The following BAHD1 variants were observed in gnomAD, a reference collection of about 807,000 sequenced individuals.
BAHD1 encodes bromo adjacent homology domain-containing 1 protein.
In BAHD1, 20 loss-of-function variants were observed where a neutral mutation model predicts 63.1. The ratio of observed to expected loss-of-function variants is 0.32; its 90% CI spans 0.22 to 0.46. The LOEUF (loss-of-function observed/expected upper bound fraction) is 0.46, where lower values mean the gene tolerates loss of function less well. BAHD1 is among the 20% of genes least tolerant of loss of function. BAHD1 has a pLI of 1.00. For synonymous variants in BAHD1, 408 were observed against 426.8 expected (o/e 0.96, Z 0.54); for missense variants, 939 against 1,071.8 (o/e 0.88, Z 1.73).
upstream of BAHD1, chr15:40,440,042 G>C (rs1462117897): frequency 6.6e-6 from 1 of 152,334 alleles, no homozygotes; most frequent in South Asian, 2.1e-4. Flanking sequence ...CAGGCTGCCC[G>C]CCCCTTTCTC....
chr15:40,446,617 A>G (rs1566958916), intron 1 of BAHD1, among the ~76,000 whole-genome samples: 1 of 152,226 alleles, frequency 6.6e-6, no homozygotes, highest in South Asian at 2.1e-4. Context: ...GCTGATTTGA[A>G]TTGGGAACTT....
chr15:40,446,652 A>G (rs1893548272), intron 1 of BAHD1, among the ~76,000 whole-genome samples: 1 of 152,222 alleles, frequency 6.6e-6, no homozygotes, highest in South Asian at 2.1e-4. Flanking sequence ...TGACCAAGTT[A>G]GCTGAATGAA....
At chr15:40,463,072 C>CTA (rs1245065559) in intron 3 of BAHD1, among the ~76,000 whole-genome samples, 1 of 152,128 alleles carries the variant, frequency 6.6e-6, no homozygotes, top group Non-Finnish European at 1.5e-5. Context: ...GAGGCTGATG[C>CTA]TAGAGGATTG....
chr15:40,465,768 T>TTTGCC (rs1894181677), intron 6 of BAHD1, among the ~76,000 whole-genome samples, 173 bp from the exon 7 acceptor site: 1 of 152,150 alleles, frequency 6.6e-6, no homozygotes, highest in Admixed American at 6.5e-5. Flanking sequence ...ACAGAGAAGA[T>TTTGCC]AGCCTGGTGG....
At chr15:40,460,083 C>T (rs1200283608) in intron 2 of BAHD1, among the ~76,000 whole-genome samples, 187 bp downstream of exon 2, 1 of 152,162 alleles carries the variant, frequency 6.6e-6, no homozygotes, top group African/African-American at 2.4e-5. Context: ...AAGAACAGGG[C>T]CCGTATAGCT....
upstream of BAHD1, among the ~76,000 whole-genome samples, chr15:40,438,307 G>A (rs543940692): frequency 6.6e-6 from 1 of 152,342 alleles, no homozygotes; most frequent in African/African-American, 2.4e-5. Context: ...GGGTGAAGGA[G>A]GCTAGGAGAG....
At chr15:40,463,782 A>G in intron 3 of BAHD1, 79 bp from the exon 4 acceptor site, 1 of 1,503,330 alleles carries the variant, frequency 6.7e-7, no homozygotes, top group East Asian at 2.3e-5. Context: ...AAATCGTGGA[A>G]AGGATGTCAT....
chr15:40,438,251 T>C (rs1297666563), upstream of BAHD1, among the ~76,000 whole-genome samples: 2 of 152,160 alleles, frequency 1.3e-5, no homozygotes, highest in Non-Finnish European at 2.9e-5. Flanking sequence ...GGAAGGGCTT[T>C]GGACTGGGAA....
intron 4 of BAHD1, 48 bp downstream of exon 4, chr15:40,464,068 G>A: frequency 6.3e-7 from 1 of 1,598,160 alleles, no homozygotes; most frequent in East Asian, 2.2e-5. Context: ...GCCTTCAGCA[G>A]AACTGTAGTC....
chr15:40,459,483 A>C lies in BAHD1; in HGVS notation c.1019A>C (p.Gln340Pro), dbSNP rs1374280022. 6.2e-7 allele frequency: 1 copy of C among 1,613,722 alleles called. No individual in the cohort carries two copies. Among genetic ancestry groups the C allele is most frequent in the Non-Finnish European group, 8.5e-7 (1 of 1,179,996 alleles). Residue 340 changes from glutamine (Q) to proline (P), a missense_variant, in exon 2 of 7, where the codon CAG becomes CCG. Physicochemically the swap from Gln to Pro is moderately conservative, Grantham distance 76. This residue lies in a region of BAHD1 where 797 missense variants were observed against 813.3 expected (regional missense o/e 0.98). Coordinates refer to ENST00000416165, the MANE Select transcript of BAHD1 (RefSeq NM_014952.5). ...RPGEESPAPK[Q>P]ELHQPSFPTP... Reference sequence around the variant, plus strand: ...GGCGAGGAGTCACCTGCCCCTAAGCAGGAACTGCATCAGCCCTCTTTCCCC... The same window carrying C: ...GGCGAGGAGTCACCTGCCCCTAAGCCGGAACTGCATCAGCCCTCTTTCCCC...
At position 40,458,769 on chromosome 15, in the gene BAHD1, C is replaced by T. The variant is rs561606387; in HGVS notation, c.305C>T (p.Pro102Leu). Residue 102 changes from proline to leucine, a missense_variant, in exon 2 of 7, where the codon CCG (proline) becomes CTG (leucine). Around this residue, in one of 5 missense-constraint regions of BAHD1, gnomAD observed 797 missense variants for 813.3 expected, o/e 0.98. Coordinates refer to ENST00000416165, the MANE Select transcript of BAHD1 (RefSeq NM_014952.5). The surrounding 1 kb of genome is among the most constrained non-coding windows in gnomAD (Gnocchi z 4.7). ...LPPDLPKPPS[P>L]APSSEDPGLA... The stretch of plus-strand genomic sequence containing the variant: ...CCTGACCTGCCCAAGCCCCCCAGCC[C>T]GGCCCCATCCAGTGAAGACCCTGGC... 9.3e-5 allele frequency: 150 copies of T among 1,613,216 alleles called. No individual in the cohort carries two copies. The highest frequency in any genetic ancestry group is 6.7e-4 in the African/African-American group (50 of 75,066).
chr15:40,444,856 C>T (rs1202443582), intron 1 of BAHD1, among the ~76,000 whole-genome samples: 1 of 152,116 alleles, frequency 6.6e-6, no homozygotes, highest in African/African-American at 2.4e-5. Context: ...CCCCAAACCT[C>T]CCTTTTGTGC....
chr15:40,441,952 G>A (rs1167323424), intron 1 of BAHD1, among the ~76,000 whole-genome samples: 5 of 151,952 alleles, frequency 3.3e-5, no homozygotes, highest in Non-Finnish European at 5.9e-5. Flanking sequence ...AGACGGAAGG[G>A]GACCGGTTCG....
At chr15:40,457,838 T>G (rs1364589009) in intron 1 of BAHD1, among the ~76,000 whole-genome samples, 1 of 152,030 alleles carries the variant, frequency 6.6e-6, no homozygotes, top group Non-Finnish European at 1.5e-5. Context: ...TGAAACCCCC[T>G]CTCTACTAAA....
In BAHD1 at chr15:40,466,857, T is replaced by C. The variant is rs1040397347; in HGVS notation, c.*727T>C. The C allele has an allele frequency of 1.5e-4, 23 of 152,268 alleles. No individual in the cohort carries two copies. Among genetic ancestry groups the C allele is most frequent in the African/African-American group, 5.6e-4 (23 of 41,418 alleles). 9.4% of individuals were successfully genotyped at this position (152,268 alleles called of 1,614,324 possible). On this transcript the variant is annotated 3_prime_UTR_variant, in exon 7 of 7. Transcript: ENST00000416165. ...TCTGGCTTCCCAGAAAGTTAACTGA[T>C]GATTGTGGGGTTTGTCATATCTGGG...
chr15:40,440,040 C>G (rs1426678570), upstream of BAHD1: 2 of 152,448 alleles, frequency 1.3e-5, no homozygotes, highest in South Asian at 2.1e-4. Context: ...GTCAGGCTGC[C>G]CGCCCCTTTC....
upstream of BAHD1, among the ~76,000 whole-genome samples, chr15:40,437,803 G>T (rs999844035): frequency 6.6e-6 from 1 of 152,200 alleles, no homozygotes; most frequent in African/African-American, 2.4e-5. Flanking sequence ...GCGGGCAGTG[G>T]CGGGGAGGTG....
In BAHD1 at chr15:40,466,067, G is replaced by T. The variant is rs778432307; in HGVS notation, c.2280G>T (p.Leu760=). 1 of 1,614,136 alleles carries T rather than the reference G, an allele frequency of 6.2e-7. No individual in the cohort carries two copies. Among genetic ancestry groups the T allele is most frequent in the Admixed American group, 1.7e-5 (1 of 60,014 alleles). ...TGCCAGAGGACACGGACCCTGAGCTGGTGTTCCTTTGCCGCCATGTCTATG... is the reference window on the plus strand; with the variant it reads ...TGCCAGAGGACACGGACCCTGAGCTTGTGTTCCTTTGCCGCCATGTCTATG... The part of the protein sequence containing the change: ...RTVPEDTDPE[L]VFLCRHVYDF... The change falls in exon 7 of 7, where the codon CTG becomes CTT. Residue 760 remains leucine, a synonymous_variant. Coordinates refer to ENST00000416165, the MANE Select transcript of BAHD1 (RefSeq NM_014952.5).
chr15:40,464,137 C>T (rs1894134476), intron 4 of BAHD1, 117 bp downstream of exon 4: 3 of 1,228,310 alleles, frequency 2.4e-6, no homozygotes, highest in Non-Finnish European at 3.4e-6. Context: ...GTTCCTGGCA[C>T]AGAGTCTGCC....
Sources: allele counts gnomAD v4.1 joint callset (sites outside exome capture counted in the v4.1 genomes callset), GRCh38; gene constraint gnomAD v4.1.1; regional missense constraint gnomAD v4.1.1; non-coding constraint Gnocchi (gnomAD v3.1); transcripts MANE v1.5; gene names NCBI Gene and HGNC (gene_info 2026-07-23, HGNC 2026-07-21).